Variants in FERMT1 observed in about 807,000 individuals in gnomAD.
The protein encoded by FERMT1 is fermitin family homolog 1.
Under a neutral mutation model 85.3 loss-of-function variants are expected in FERMT1, and 60 were observed. The observed-to-expected ratio is 0.70, with a 90% CI of 0.57 to 0.87. The LOEUF (loss-of-function observed/expected upper bound fraction) is 0.87. FERMT1 is among the 40% of genes least tolerant of loss of function. The pLI is 0.00. For missense variants in FERMT1, 701 were observed against 818.9 expected, an observed-to-expected ratio of 0.86 and a Z score of 1.76; for synonymous variants, 275 against 301.1, an observed-to-expected ratio of 0.91 and a Z score of 0.90.
rs138324862 is a variant in FERMT1, at chr20:6,083,350, T to C, written c.1718+690A>G. 1.3e-3 allele frequency among the ~76,000 whole-genome samples: 205 copies of C among 152,146 alleles called. 1 individual carries two copies. Among genetic ancestry groups the C allele is most frequent in the African/African-American group, 4.8e-3 (200 of 41,506 alleles). ...ACTTAAGCTGTCTTTCTGGGGGCAA[T>C]AGATGGGCCTCCTATGCATCCTTCA... On this transcript the variant is annotated intron_variant, in intron 13 of 14. Coordinates refer to ENST00000217289, the MANE Select transcript of FERMT1 (RefSeq NM_017671.5).
At chr20:6,112,750 G>T in intron 3 of FERMT1, 127 bp from the exon 4 acceptor site, 1 of 630,930 alleles carries the variant, frequency 1.6e-6, no homozygotes, top group Non-Finnish European at 2.6e-6. Flanking sequence ...GGACTAAACT[G>T]CATCCCTTTT....
intron 6 of FERMT1, among the ~76,000 whole-genome samples, chr20:6,100,212 GATGA>G (rs1193393610): frequency 3.1e-4 from 47 of 152,164 alleles, no homozygotes; most frequent in African/African-American, 1.1e-3. Context: ...TTCATTGATT[GATGA>G]ATGAATGTAG....
At chr20:6,091,325 G>A (rs1164256468) in intron 9 of FERMT1, among the ~76,000 whole-genome samples, 2 of 151,856 alleles carry the variant, frequency 1.3e-5, no homozygotes, top group African/African-American at 4.8e-5. Context: ...TGTCTCTTGG[G>A]TTCAAGCGGT....
chr20:6,117,869 C>A (rs555908788), intron 2 of FERMT1, among the ~76,000 whole-genome samples: 1 of 150,868 alleles, frequency 6.6e-6, no homozygotes, highest in Admixed American at 6.6e-5. Flanking sequence ...ACCATGTTGG[C>A]CAGGCTGGTC....
At chr20:6,113,000 CCTTT>C (rs1315794352) in intron 3 of FERMT1, among the ~76,000 whole-genome samples, 2 of 152,196 alleles carry the variant, frequency 1.3e-5, no homozygotes, top group African/African-American at 4.8e-5. Context: ...CTCCCTCTCC[CCTTT>C]CTTCCTGATA....
At chr20:6,109,286 A>C (rs1982880388) in intron 5 of FERMT1, among the ~76,000 whole-genome samples, 1 of 152,160 alleles carries the variant, frequency 6.6e-6, no homozygotes, top group Admixed American at 6.5e-5. Flanking sequence ...GTAATACTTG[A>C]GCAGGAGACA....
chr20:6,116,488 G>T (rs1203037811), intron 2 of FERMT1, among the ~76,000 whole-genome samples: 1 of 152,090 alleles, frequency 6.6e-6, no homozygotes, highest in Admixed American at 6.6e-5. Flanking sequence ...CAGCACTTTG[G>T]GAGGCTGATG....
intron 14 of FERMT1, among the ~76,000 whole-genome samples, chr20:6,079,078 T>C (rs990630177): frequency 2.6e-5 from 4 of 152,234 alleles, no homozygotes; most frequent in Non-Finnish European, 4.4e-5. Context: ...TTATTTTGCA[T>C]AGCAGTTACA....
rs376386474 is a variant in FERMT1 at position 6,100,670 on chromosome 20, C to T, written c.850-3039G>A. 7.2e-5 allele frequency among the ~76,000 whole-genome samples: 11 copies of T among 152,224 alleles called. No individual in the cohort carries two copies. In the South Asian group the frequency reaches 2.3e-3, roughly 32 times the overall value. On this transcript the variant is annotated intron_variant, in intron 6 of 14. Coordinates refer to ENST00000217289, the MANE Select transcript of FERMT1 (RefSeq NM_017671.5). ...AAAACCATGACTATTATTAGATGGACACATGAGGGAATACTTTCTGTAATC... is the reference window on the plus strand; with the variant it reads ...AAAACCATGACTATTATTAGATGGATACATGAGGGAATACTTTCTGTAATC...
intron 6 of FERMT1, among the ~76,000 whole-genome samples, chr20:6,101,550 A>T (rs898874404): frequency 5.3e-5 from 8 of 152,216 alleles, no homozygotes; most frequent in East Asian, 1.9e-4. Context: ...GTCTGCAAGG[A>T]TGGTTGGTCA....
At chr20:6,088,015 A>AAGC (rs1982233809) in intron 10 of FERMT1, 132 bp from the exon 11 acceptor site, 4 of 697,228 alleles carry the variant, frequency 5.7e-6, no homozygotes, top group South Asian at 4.5e-5. Flanking sequence ...ATGGAGGAGC[A>AAGC]AGCTGATAAC....
intron 1 of FERMT1, among the ~76,000 whole-genome samples, chr20:6,120,883 A>T (rs1312845623): frequency 1.3e-5 from 2 of 152,188 alleles, no homozygotes; most frequent in Non-Finnish European, 2.9e-5. Context: ...ACCTATTTAG[A>T]TCAATATTAA....
intron 6 of FERMT1, among the ~76,000 whole-genome samples, chr20:6,105,610 C>A (rs1344534300): frequency 6.6e-6 from 1 of 152,146 alleles, no homozygotes; most frequent in Non-Finnish European, 1.5e-5. Context: ...AAATATATTA[C>A]TATATACATT....
In FERMT1 at chr20:6,076,639, C is replaced by T; in HGVS notation, c.*534G>A. 2.8e-6 allele frequency: 1 copy of T among 355,880 alleles called. No individual in the cohort carries two copies. The highest frequency in any genetic ancestry group is 2.2e-5 in the South Asian group (1 of 45,936). The allele number at this position is 355,880 out of a possible 1,614,324, so 22.0% of individuals were successfully genotyped here. On this transcript the variant is annotated 3_prime_UTR_variant, in exon 15 of 15. Coordinates refer to ENST00000217289, the MANE Select transcript of FERMT1 (RefSeq NM_017671.5). ...GTAGCCCCACCCCTCCCCTTTCTAC[C>T]CCTAGACCTTGGCCTCCAGGGAAAA...
At chr20:6,114,580 A>G (rs924409608) in intron 3 of FERMT1, among the ~76,000 whole-genome samples, 3 of 152,240 alleles carry the variant, frequency 2.0e-5, no homozygotes, top group African/African-American at 7.2e-5. Context: ...AATATTACCA[A>G]AAACACAAGG....
intron 6 of FERMT1, among the ~76,000 whole-genome samples, chr20:6,106,061 C>G (rs939109447): frequency 2.0e-4 from 30 of 151,818 alleles, no homozygotes; most frequent in African/African-American, 7.3e-4. Flanking sequence ...AAAACAAAAA[C>G]AAAAACAAAA....
intron 6 of FERMT1, among the ~76,000 whole-genome samples, chr20:6,099,597 A>T (rs1167976410): frequency 2.6e-5 from 4 of 152,112 alleles, no homozygotes. Flanking sequence ...CAAAAGAGAG[A>T]AGGCAATGGA....
At chr20:6,119,266 C>T (rs1411418421) in intron 2 of FERMT1, 138 bp downstream of exon 2, 5 of 923,904 alleles carry the variant, frequency 5.4e-6, no homozygotes, top group Middle Eastern at 3.1e-4. Context: ...TTCTTTCTCT[C>T]CTCTGGGATG....
intron 6 of FERMT1, among the ~76,000 whole-genome samples, chr20:6,100,863 T>C (rs1982642830): frequency 6.6e-6 from 1 of 152,108 alleles, no homozygotes; most frequent in Admixed American, 6.6e-5. Context: ...TTTGAAATAT[T>C]TGAATAATTA....
Sources: gnomAD v4.1 joint callset for allele counts (sites outside exome capture counted in the v4.1 genomes callset) on GRCh38, gnomAD v4.1.1 for gene constraint, MANE v1.5 for transcripts, NCBI Gene and HGNC (gene_info 2026-07-23, HGNC 2026-07-21) for gene names.